NFKBIZ: variants seen among roughly 807,000 people sequenced by gnomAD.
NFKBIZ encodes the protein NF-kappa-B inhibitor zeta.
Under a neutral mutation model 76.8 loss-of-function variants are expected in NFKBIZ, and 19 were observed. The ratio of observed to expected loss-of-function variants is 0.25; its 90% CI spans 0.17 to 0.36. The LOEUF (loss-of-function observed/expected upper bound fraction) is 0.36. NFKBIZ is among the 10% of genes least tolerant of loss of function. The probability of loss-of-function intolerance (pLI) is 1.00; values close to 1 mark genes in which losing one functional copy is unlikely to be tolerated. For missense variants in NFKBIZ, 829 were observed against 910.9 expected (o/e 0.91, Z 1.16); for synonymous variants, 368 against 354.8 (o/e 1.04, Z -0.42).
At position 101,857,397 on chromosome 3, in the gene NFKBIZ, A is replaced by G; in HGVS notation, c.2041A>G (p.Thr681Ala). 1 of 1,614,174 alleles carries G rather than the reference A, an allele frequency of 6.2e-7. No individual in the cohort carries two copies. The part of the protein sequence containing the change: ...LLMRKGADPS[T>A]RNLENEQPVH... ...GATGAGGAAGGGAGCAGACCCAAGT[A>G]CTCGGAACTTGGAGAACGAACAGCC... The change falls in exon 11 of 12, where the codon ACT becomes GCT. Residue 681 changes from threonine (T) to alanine (A), a missense_variant. By Grantham distance (58) the Thr-to-Ala change is moderately conservative (BLOSUM62 0). This residue lies in a region of NFKBIZ where 272 missense variants were observed against 384.2 expected (regional missense o/e 0.71). Transcript: ENST00000326172.
chr3:101,857,710 AGGGTT>A (rs1943071185), intron 11 of NFKBIZ: 1 of 985,272 alleles, frequency 1.0e-6, no homozygotes, highest in Non-Finnish European at 1.2e-6. Flanking sequence ...ACACACACTT[AGGGTT>A]AGAGTAAGTC....
chr3:101,855,984 C>G, intron 9 of NFKBIZ, 82 bp downstream of exon 9: 2 of 1,273,008 alleles, frequency 1.6e-6, no homozygotes, highest in Non-Finnish European at 2.1e-6. Flanking sequence ...AGTACAGATT[C>G]AAACTTCTTT....
At chr3:101,828,525 T>C (rs950865662) in intron 1 of NFKBIZ, among the ~76,000 whole-genome samples, 1 of 152,156 alleles carries the variant, frequency 6.6e-6, no homozygotes, top group Non-Finnish European at 1.5e-5. Context: ...AACTATGATA[T>C]CCCGAGGCAG....
rs185173739 is a variant in NFKBIZ, at chr3:101,834,503, G to A, written c.-12+4815G>A. Among the ~76,000 whole-genome samples, 51 of 152,226 alleles carry A rather than the reference G, an allele frequency of 3.4e-4. No homozygotes were observed. The East Asian group carries it at 9.3e-3, about 28-fold the overall frequency. On this transcript the variant is annotated intron_variant, in intron 2 of 12. Coordinates refer to the NFKBIZ transcript ENST00000394054. ...AGCCTCCAGAGTAGCTGGGACTACAGGCACCCGCCACCACGCCCGGCTAAT... is the reference window on the plus strand; with the variant it reads ...AGCCTCCAGAGTAGCTGGGACTACAAGCACCCGCCACCACGCCCGGCTAAT...
intron 11 of NFKBIZ, chr3:101,858,315 T>G: frequency 1.0e-6 from 1 of 966,952 alleles, no homozygotes; most frequent in Non-Finnish European, 1.2e-6. Context: ...TTCTATAGTT[T>G]GTAAAAAGTT....
At position 101,849,715 on chromosome 3, in the gene NFKBIZ, G is replaced by T; in HGVS notation, c.87G>T (p.Pro29=). Residue 29 remains proline, a synonymous_variant, in exon 1 of 12, where the codon CCG becomes CCT. Coordinates refer to ENST00000326172, the MANE Select transcript of NFKBIZ (RefSeq NM_031419.4). Reference sequence around the variant, plus strand: ...GCGGCTGCGGCCTCATGACCAGCCCGCTCAACCTGAGCTACTTCTACGGCG... The same window carrying T: ...GCGGCTGCGGCCTCATGACCAGCCCTCTCAACCTGAGCTACTTCTACGGCG... ...AAGGCGLMTS[P]LNLSYFYGAS... is the part of the protein sequence containing the mutation. 3 of 1,437,226 alleles carry T rather than the reference G, an allele frequency of 2.1e-6. No homozygotes were observed. Among genetic ancestry groups the T allele is most frequent in the Non-Finnish European group, 2.7e-6 (3 of 1,100,896 alleles). 89.0% of individuals were successfully genotyped at this position (1,437,226 alleles called of 1,614,324 possible).
rs1310653991 is a variant in NFKBIZ, at chr3:101,860,318, A to G, written c.*947A>G. 2 of 151,972 alleles carry G rather than the reference A, an allele frequency of 1.3e-5. No individual in the cohort carries two copies. The highest frequency in any genetic ancestry group is 1.3e-4 in the Admixed American group (2 of 15,210). 9.4% of individuals were successfully genotyped at this position (151,972 alleles called of 1,614,324 possible). ...CTGAGCCTTCTGAGTAACTGGAACT[A>G]CAGGTGTGCACTCCTCGCCTGGCTA... On this transcript the variant is annotated 3_prime_UTR_variant, in exon 12 of 12. Transcript: ENST00000326172.
At chr3:101,841,583 A>G (rs922543922) in intron 2 of NFKBIZ, among the ~76,000 whole-genome samples, 1 of 152,240 alleles carries the variant, frequency 6.6e-6, no homozygotes, top group Non-Finnish European at 1.5e-5. Context: ...ACTCATCTGC[A>G]TTAGAAAAAT....
intron 2 of NFKBIZ, among the ~76,000 whole-genome samples, chr3:101,842,542 G>A (rs1019286080): frequency 6.6e-6 from 1 of 151,476 alleles, no homozygotes; most frequent in Non-Finnish European, 1.5e-5. Flanking sequence ...AACATTATGA[G>A]ATTCTTTTGT....
At chr3:101,856,439 AAAAT>A (rs1241696158) in intron 9 of NFKBIZ, among the ~76,000 whole-genome samples, 1 of 152,240 alleles carries the variant, frequency 6.6e-6, no homozygotes, top group Non-Finnish European at 1.5e-5. Flanking sequence ...ATTTAGGTAT[AAAAT>A]AAATAGTCTT....
rs141360195 is a variant in NFKBIZ at position 101,854,578 on chromosome 3, G to T, written c.1338G>T (p.Thr446=). The T allele has an allele frequency of 1.1e-4, 170 of 1,603,990 alleles. No homozygotes were observed. The highest frequency in any genetic ancestry group is 6.6e-4 in the Middle Eastern group (4 of 6,060). ...CCGCTTTCCTTTCCATGTTCCCCAG[G>T]TTCCTTCATATTGCTGTTGCCCAAG... The part of the protein sequence containing the change: ...QFLSKDADGD[T]FLHIAVAQGR... The change falls in exon 6 of 12, where the codon ACG becomes ACT. Residue 446 remains threonine (T), a splice_region_variant and synonymous_variant. Transcript: ENST00000326172.
At chr3:101,847,354 CTTTT>C (rs1318721208), upstream of NFKBIZ, among the ~76,000 whole-genome samples, 1 of 152,152 alleles carries the variant, frequency 6.6e-6, no homozygotes, top group Non-Finnish European at 1.5e-5. Flanking sequence ...GATTTGTTTT[CTTTT>C]TTATTTTTTA....
At position 101,859,330 on chromosome 3, in the gene NFKBIZ, C is replaced by T. The variant is rs138248060; in HGVS notation, c.2116C>T (p.Leu706=). ...GPVGEQIRRI[L]KGKSIQQRAP... ...GTTTCTCTTCCAGATCCGACGTATC[C>T]TGAAGGGAAAGTCCATTCAGCAGAG... is the stretch of plus-strand genomic sequence containing the variant. Residue 706 remains leucine, a synonymous_variant, in exon 12 of 12, where the codon CTG becomes TTG. Transcript: ENST00000326172. 407 of 1,613,608 alleles carry T rather than the reference C, an allele frequency of 2.5e-4. 2 individuals are homozygous for T. The highest frequency in any genetic ancestry group is 1.4e-3 in the South Asian group (126 of 91,074).
chr3:101,849,493 T>C (rs1942910744), upstream of NFKBIZ: 1 of 723,050 alleles, frequency 1.4e-6, no homozygotes, highest in Non-Finnish European at 1.9e-6. Context: ...TTAAATACCC[T>C]GGCAGTCCCG....
chr3:101,849,469 A>T, upstream of NFKBIZ: 1 of 545,208 alleles, frequency 1.8e-6, no homozygotes, highest in Non-Finnish European at 2.7e-6. Context: ...GAGGTCGGCG[A>T]GCGCTGCGGC....
chr3:101,835,593 G>A (rs1225765088), intron 2 of NFKBIZ, among the ~76,000 whole-genome samples: 3 of 152,132 alleles, frequency 2.0e-5, no homozygotes, highest in Admixed American at 1.3e-4. Context: ...CACATGTGGC[G>A]TTTTCTCTGT....
At chr3:101,855,306 T>G (rs76012355) in intron 7 of NFKBIZ, 89 bp from the exon 8 acceptor site, 4 of 1,605,460 alleles carry the variant, frequency 2.5e-6, no homozygotes, top group Middle Eastern at 1.7e-4. Flanking sequence ...AATGATCTAT[T>G]TTGAGTTAAC....
At chr3:101,830,454 T>A (rs1043054557) in intron 2 of NFKBIZ, among the ~76,000 whole-genome samples, 1 of 152,196 alleles carries the variant, frequency 6.6e-6, no homozygotes, top group Non-Finnish European at 1.5e-5. Context: ...TCATAGTTAT[T>A]TTTCAGCCCT....
intron 2 of NFKBIZ, among the ~76,000 whole-genome samples, chr3:101,831,215 G>A (rs1942642822): frequency 6.6e-6 from 1 of 152,074 alleles, no homozygotes; most frequent in Non-Finnish European, 1.5e-5. Context: ...CTCCAAGAGG[G>A]CAAAAATAGG....
Sources: allele counts gnomAD v4.1 joint callset (sites outside exome capture counted in the v4.1 genomes callset), GRCh38; gene constraint gnomAD v4.1.1; regional missense constraint gnomAD v4.1.1; transcripts MANE v1.5; gene names NCBI Gene and HGNC (gene_info 2026-07-23, HGNC 2026-07-21).